PLCB1: variants seen among roughly 807,000 people sequenced by gnomAD.
The protein encoded by PLCB1 is 1-phosphatidylinositol 4,5-bisphosphate phosphodiesterase beta-1.
In PLCB1, 46 loss-of-function variants were observed where a neutral mutation model predicts 161.8. The observed-to-expected ratio is 0.28, with a 90% CI of 0.22 to 0.36. PLCB1 has a LOEUF of 0.36. Among genes scored for constraint, PLCB1 ranks in the 10% least tolerant of loss-of-function variants. PLCB1 has a pLI of 1.00. For synonymous variants in PLCB1, 517 were observed against 503.7 expected, an observed-to-expected ratio of 1.03 and a Z score of -0.35; for missense variants, 1,016 against 1,472.5, an observed-to-expected ratio of 0.69 and a Z score of 5.07.
chr20:8,180,059 C>T (rs1448903831), intron 2 of PLCB1, among the ~76,000 whole-genome samples: 2 of 151,788 alleles, frequency 1.3e-5, no homozygotes, highest in Admixed American at 6.6e-5. Context: ...GGGGTTTCAC[C>T]GTTTTAGCCA....
intron 7 of PLCB1, among the ~76,000 whole-genome samples, chr20:8,656,344 G>A (rs183810058): frequency 1.3e-5 from 2 of 152,100 alleles, no homozygotes; most frequent in Non-Finnish European, 1.5e-5. Flanking sequence ...TTAGACATTT[G>A]TATAACTGTA....
At chr20:8,780,471 C>T (rs547374451) in intron 27 of PLCB1, among the ~76,000 whole-genome samples, 14 of 152,244 alleles carry the variant, frequency 9.2e-5, no homozygotes, top group Admixed American at 3.3e-4. Flanking sequence ...TGCTTTGCTT[C>T]CTGTCTTTTC....
At chr20:8,789,446 T>C in intron 29 of PLCB1, 72 bp from the exon 30 acceptor site, 4 of 944,878 alleles carry the variant, frequency 4.2e-6, no homozygotes, top group Non-Finnish European at 7.0e-6. Flanking sequence ...ACCTTTTATC[T>C]AGAAGTCTGA....
At chr20:8,649,493 C>A in intron 7 of PLCB1, 44 bp downstream of exon 7, 1 of 1,368,082 alleles carries the variant, frequency 7.3e-7, no homozygotes, top group Non-Finnish European at 1.0e-6. Context: ...TCAGCCCCTC[C>A]AAAACTCATG....
chr20:8,443,227 G>A (rs550444007), intron 3 of PLCB1, among the ~76,000 whole-genome samples: 7 of 152,120 alleles, frequency 4.6e-5, no homozygotes, highest in South Asian at 4.1e-4. Context: ...TGATCTGCCC[G>A]CCTTGGCCTC....
At chr20:8,548,571 T>A (rs1257785162) in intron 3 of PLCB1, among the ~76,000 whole-genome samples, 1 of 152,088 alleles carries the variant, frequency 6.6e-6, no homozygotes, top group Non-Finnish European at 1.5e-5. Context: ...CTACTATCTA[T>A]GTTTTTGTCT....
intron 3 of PLCB1, among the ~76,000 whole-genome samples, chr20:8,586,865 T>C (rs1987006819): frequency 6.6e-6 from 1 of 152,130 alleles, no homozygotes; most frequent in East Asian, 1.9e-4. Context: ...ATGGTATTAA[T>C]TCTAAAATCT....
chr20:8,819,177 ACATT>A (rs1401602072), intron 31 of PLCB1, among the ~76,000 whole-genome samples: 1 of 152,196 alleles, frequency 6.6e-6, no homozygotes, highest in East Asian at 1.9e-4. Flanking sequence ...GGCAGCTTTA[ACATT>A]GGCACAAATA....
At chr20:8,723,125 AAAAAT>A (rs1979739991) in intron 15 of PLCB1, among the ~76,000 whole-genome samples, 1 of 152,204 alleles carries the variant, frequency 6.6e-6, no homozygotes, top group Non-Finnish European at 1.5e-5. Flanking sequence ...AAATGAAACA[AAAAAT>A]AAGCTGCTCT....
At chr20:8,852,345 A>G (rs942694320) in intron 31 of PLCB1, among the ~76,000 whole-genome samples, 3 of 152,238 alleles carry the variant, frequency 2.0e-5, no homozygotes, top group African/African-American at 7.2e-5. Context: ...CCTCCAGGAC[A>G]GAGTTGAGCA....
At chr20:8,362,588 C>T (rs915313240) in intron 2 of PLCB1, among the ~76,000 whole-genome samples, 4 of 152,088 alleles carry the variant, frequency 2.6e-5, no homozygotes, top group African/African-American at 4.8e-5. Flanking sequence ...CTTAGATGAG[C>T]GTGTAGGAGT....
At chr20:8,244,215 G>A (rs1980759635) in intron 2 of PLCB1, among the ~76,000 whole-genome samples, 1 of 151,860 alleles carries the variant, frequency 6.6e-6, no homozygotes, top group Admixed American at 6.6e-5. Flanking sequence ...GTTTGTCTGT[G>A]CCCTACATAT....
chr20:8,442,344 T>C (rs975287611), intron 3 of PLCB1, among the ~76,000 whole-genome samples: 5 of 152,158 alleles, frequency 3.3e-5, no homozygotes, highest in African/African-American at 9.7e-5. Context: ...TCCAAGATGG[T>C]TCCTCTAGAG....
chr20:8,671,284 T>A (rs1323810738), intron 9 of PLCB1, among the ~76,000 whole-genome samples: 1 of 152,222 alleles, frequency 6.6e-6, no homozygotes, highest in African/African-American at 2.4e-5. Flanking sequence ...GCTGTTTTTA[T>A]TTTTTAAAGC....
Position 8,497,772 on chromosome 20 carries a change from A to C in PLCB1, c.246+126322A>C, listed in dbSNP as rs76030530. On this transcript the variant is annotated intron_variant, in intron 3 of 31. Coordinates refer to ENST00000338037, the MANE Select transcript of PLCB1 (RefSeq NM_015192.4). The stretch of plus-strand genomic sequence containing the variant: ...GGTACAGAATATGTTTTGAATAAAT[A>C]AAGTATGGAAAAGGTATCTAAATTC... Among the ~76,000 whole-genome samples, 746 of 152,338 alleles carry C rather than the reference A, an allele frequency of 4.9e-3. 7 individuals are homozygous for C. Among genetic ancestry groups the C allele is most frequent in the African/African-American group, 0.017 (701 of 41,594 alleles).
chr20:8,186,469 C>G (rs893777060), intron 2 of PLCB1, among the ~76,000 whole-genome samples: 3 of 152,092 alleles, frequency 2.0e-5, no homozygotes, highest in Admixed American at 1.3e-4. Flanking sequence ...TAGGCTGTTT[C>G]ATGTCTTTAT....
intron 2 of PLCB1, among the ~76,000 whole-genome samples, chr20:8,235,591 G>T (rs1980275590): frequency 6.6e-6 from 1 of 151,928 alleles, no homozygotes; most frequent in East Asian, 1.9e-4. Flanking sequence ...CTCTAAATTG[G>T]GAGAGAGCCA....
At chr20:8,814,126 G>A (rs752841770) in intron 31 of PLCB1, among the ~76,000 whole-genome samples, 10 of 152,130 alleles carry the variant, frequency 6.6e-5, no homozygotes, top group Non-Finnish European at 1.3e-4. Context: ...GCTTTATCAT[G>A]ATCATTCGTA....
At chr20:8,863,191 A>C (rs1600101465) in intron 31 of PLCB1, among the ~76,000 whole-genome samples, 1 of 152,258 alleles carries the variant, frequency 6.6e-6, no homozygotes, top group Non-Finnish European at 1.5e-5. Flanking sequence ...GGGCACTAAC[A>C]ATCATTAGCT....
Sources: allele counts gnomAD v4.1 joint callset (sites outside exome capture counted in the v4.1 genomes callset), GRCh38; gene constraint gnomAD v4.1.1; transcripts MANE v1.5; gene names NCBI Gene and HGNC (gene_info 2026-07-23, HGNC 2026-07-21).